The following IQCM variants were observed in gnomAD, a reference collection of about 807,000 sequenced individuals.
The protein encoded by IQCM is IQ motif containing M, also known as IQ domain-containing protein M.
Under a neutral mutation model 57.6 loss-of-function variants are expected in IQCM, and 45 were observed. The observed-to-expected ratio is 0.78, with a 90% CI of 0.62 to 1.00. The LOEUF (loss-of-function observed/expected upper bound fraction) is 1.00. Among genes scored for constraint, IQCM ranks in the 50% least tolerant of loss-of-function variants. IQCM has a pLI of 0.00. For synonymous variants in IQCM, 148 were observed against 158.9 expected (o/e 0.93, Z 0.51); for missense variants, 468 against 511.6 (o/e 0.91, Z 0.82).
intron 2 of IQCM, among the ~76,000 whole-genome samples, chr4:149,750,462 A>T (rs945694072): frequency 6.6e-6 from 1 of 152,246 alleles, no homozygotes; most frequent in Non-Finnish European, 1.5e-5. Flanking sequence ...TGTATCAGTT[A>T]GGGCATATAT....
chr4:149,467,957 G>A (rs1268837738), intron 12 of IQCM, among the ~76,000 whole-genome samples: 1 of 152,128 alleles, frequency 6.6e-6, no homozygotes, highest in East Asian at 1.9e-4. Flanking sequence ...GCACTGAAGG[G>A]GCAAATGAAA....
intron 12 of IQCM, among the ~76,000 whole-genome samples, chr4:149,532,963 G>A (rs1579392261): frequency 6.6e-6 from 1 of 152,132 alleles, no homozygotes; most frequent in African/African-American, 2.4e-5. Flanking sequence ...AAGACAGCAG[G>A]CTATTTTAGA....
chr4:149,620,927 G>T (rs1756277366), intron 8 of IQCM, among the ~76,000 whole-genome samples: 1 of 152,050 alleles, frequency 6.6e-6, no homozygotes, highest in Admixed American at 6.6e-5. Flanking sequence ...GCATATTGTG[G>T]GATCGGGTGA....
intron 12 of IQCM, among the ~76,000 whole-genome samples, chr4:149,493,701 G>A (rs1475471756): frequency 6.6e-6 from 1 of 151,998 alleles, no homozygotes; most frequent in Non-Finnish European, 1.5e-5. Context: ...GAGAATGTGT[G>A]CATAATAAGA....
chr4:149,692,896 C>A (rs1339784149), intron 5 of IQCM, among the ~76,000 whole-genome samples: 1 of 151,692 alleles, frequency 6.6e-6, no homozygotes, highest in African/African-American at 2.4e-5. Flanking sequence ...AAAAGGGAGA[C>A]CAGGGCAAAA....
intron 7 of IQCM, among the ~76,000 whole-genome samples, chr4:149,664,848 G>A (rs1760563903): frequency 6.6e-6 from 1 of 152,142 alleles, no homozygotes; most frequent in Non-Finnish European, 1.5e-5. Context: ...TGGTTTTCAA[G>A]CTGGACATAG....
chr4:149,433,183 C>T (rs1735029751), intron 13 of IQCM, among the ~76,000 whole-genome samples: 1 of 151,984 alleles, frequency 6.6e-6, no homozygotes, highest in Admixed American at 6.6e-5. Context: ...AGTGAATAGA[C>T]AGGCACAATG....
intron 11 of IQCM, among the ~76,000 whole-genome samples, chr4:149,552,427 GCT>G (rs1749129970): frequency 6.6e-6 from 1 of 151,850 alleles, no homozygotes; most frequent in Non-Finnish European, 1.5e-5. Context: ...CAAGAAACTG[GCT>G]CTAATAATCT....
chr4:149,481,262 G>T (rs1740746272), intron 12 of IQCM, among the ~76,000 whole-genome samples: 1 of 152,008 alleles, frequency 6.6e-6, no homozygotes, highest in Admixed American at 6.6e-5. Context: ...AACTTAATGT[G>T]ATCCCATTTA....
At chr4:149,597,047 A>G (rs1193286413) in intron 8 of IQCM, among the ~76,000 whole-genome samples, 1 of 152,178 alleles carries the variant, frequency 6.6e-6, no homozygotes, top group African/African-American at 2.4e-5. Context: ...ATAAGAATGA[A>G]ATTCCATTTC....
chr4:149,528,434 C>T lies in IQCM; in HGVS notation c.1228+20021G>A, dbSNP rs139606260. Among the ~76,000 whole-genome samples, 8 of 152,258 alleles carry T rather than the reference C, an allele frequency of 5.3e-5. No individual in the cohort carries two copies. The East Asian group carries it at 1.5e-3, about 29-fold the overall frequency. ...AATATTTTATAAAATTACATATCTGCTACATGGCAAGGATAGTATTATGCA... is the reference window on the plus strand; with the variant it reads ...AATATTTTATAAAATTACATATCTGTTACATGGCAAGGATAGTATTATGCA... On this transcript the variant is annotated intron_variant, in intron 12 of 13. Transcript: ENST00000636793.
intron 2 of IQCM, among the ~76,000 whole-genome samples, chr4:149,757,005 T>A (rs905449151): frequency 6.6e-6 from 1 of 152,196 alleles, no homozygotes; most frequent in African/African-American, 2.4e-5. Context: ...ACGCCTGTAA[T>A]CCCAGCACTT....
intron 8 of IQCM, among the ~76,000 whole-genome samples, chr4:149,598,213 CAT>C (rs1308166525): frequency 5.3e-5 from 8 of 152,008 alleles, no homozygotes; most frequent in African/African-American, 1.7e-4. Flanking sequence ...AATTGGGAAG[CAT>C]ATAGATAAAC....
intron 12 of IQCM, among the ~76,000 whole-genome samples, chr4:149,451,574 A>G (rs2111406882): frequency 6.6e-6 from 1 of 151,920 alleles, no homozygotes; most frequent in East Asian, 1.9e-4. Context: ...AAGTCTAAAG[A>G]CTTAAGACTT....
chr4:149,678,181 G>A (rs933211407), intron 7 of IQCM, among the ~76,000 whole-genome samples: 6 of 151,792 alleles, frequency 4.0e-5, no homozygotes, highest in East Asian at 1.9e-4. Context: ...GGGAAGGTCC[G>A]AGAACCCCAA....
chr4:149,461,043 T>C (rs1738223353), intron 12 of IQCM, among the ~76,000 whole-genome samples: 1 of 152,042 alleles, frequency 6.6e-6, no homozygotes, highest in African/African-American at 2.4e-5. Context: ...GAGACCAGCC[T>C]GACAGACATG....
intron 5 of IQCM, among the ~76,000 whole-genome samples, chr4:149,724,220 A>G (rs972262116): frequency 1.3e-5 from 2 of 152,022 alleles, no homozygotes; most frequent in African/African-American, 2.4e-5. Context: ...ATGATCATAT[A>G]CCTGAAATCA....
intron 12 of IQCM, among the ~76,000 whole-genome samples, chr4:149,453,973 A>G (rs995697093): frequency 1.3e-5 from 2 of 151,662 alleles, no homozygotes; most frequent in Non-Finnish European, 2.9e-5. Flanking sequence ...CTGTTCATCA[A>G]CTGATGAGTA....
At chr4:149,570,707 T>A (rs1751071812) in intron 9 of IQCM, among the ~76,000 whole-genome samples, 1 of 152,106 alleles carries the variant, frequency 6.6e-6, no homozygotes, top group Non-Finnish European at 1.5e-5. Flanking sequence ...ATGATTCTAG[T>A]TTTGCTAATG....
Sources: gnomAD v4.1 joint callset for allele counts (sites outside exome capture counted in the v4.1 genomes callset) on GRCh38, gnomAD v4.1.1 for gene constraint, MANE v1.5 for transcripts, NCBI Gene and HGNC (gene_info 2026-07-23, HGNC 2026-07-21) for gene names.